PRPSAP2: variants seen among roughly 807,000 people sequenced by gnomAD.
The protein encoded by PRPSAP2 is phosphoribosyl pyrophosphate synthase-associated protein 2.
In PRPSAP2, 24 loss-of-function variants were observed where a neutral mutation model predicts 40.6. The ratio of observed to expected loss-of-function variants is 0.59; its 90% CI spans 0.43 to 0.83. The LOEUF is 0.83. PRPSAP2 is among the 40% of genes least tolerant of loss of function. The probability of loss-of-function intolerance (pLI) is 0.00; values close to 1 mark genes in which losing one functional copy is unlikely to be tolerated. For synonymous variants in PRPSAP2, 149 were observed against 164.7 expected (o/e 0.90, Z 0.73); for missense variants, 292 against 465.6 (o/e 0.63, Z 3.43).
At chr17:18,869,842 T>TGTG (rs1555548062) in intron 4 of PRPSAP2, among the ~76,000 whole-genome samples, 104 of 139,260 alleles carry the variant, frequency 7.5e-4, no homozygotes, top group African/African-American at 2.7e-3. Flanking sequence ...TACTTTTTTT[T>TGTG]TGTGTGTGTG....
chr17:18,898,211 G>A (rs1402255111), intron 8 of PRPSAP2, among the ~76,000 whole-genome samples: 1 of 151,552 alleles, frequency 6.6e-6, no homozygotes, highest in African/African-American at 2.4e-5. Flanking sequence ...GTTGGCCAGG[G>A]TGGTCTCCAT....
At chr17:18,865,045 C>G (rs2037332783) in intron 1 of PRPSAP2, 1 of 152,286 alleles carries the variant, frequency 6.6e-6, no homozygotes, top group African/African-American at 2.4e-5. Flanking sequence ...CAGGGTTTCA[C>G]CATGTTGGCC....
At chr17:18,880,445 C>T (rs1460945176) in intron 6 of PRPSAP2, among the ~76,000 whole-genome samples, 1 of 152,026 alleles carries the variant, frequency 6.6e-6, no homozygotes, top group Non-Finnish European at 1.5e-5. Flanking sequence ...CTTGCCCGGG[C>T]TGGGGTGCAG....
intron 8 of PRPSAP2, among the ~76,000 whole-genome samples, chr17:18,892,727 G>GTGTGTGTTTTTT (rs60288281): frequency 7.9e-6 from 1 of 126,626 alleles, no homozygotes. Context: ...GTGTGTGTGT[G>GTGTGTGTTTTTT]TATTTATTTA....
rs1484974037 is a variant in PRPSAP2, at chr17:18,886,935, T to C, written c.529-2887T>C. ...TGATAATTTTTCTTTTCTTCTTTTT[T>C]TTTTTTTTTTTTTTTTTTGAGACGG... is the stretch of plus-strand genomic sequence containing the variant. On this transcript the variant is annotated intron_variant, in intron 7 of 11. Coordinates refer to ENST00000268835, the MANE Select transcript of PRPSAP2 (RefSeq NM_002767.4). 8.6e-3 allele frequency among the ~76,000 whole-genome samples: 1,171 copies of C among 135,376 alleles called. 4 individuals carry two copies. The highest frequency in any genetic ancestry group is 0.031 in the African/African-American group (1,117 of 35,884). The allele number at this position is 135,376 out of a possible 152,430, so 88.8% of individuals were successfully genotyped here.
At chr17:18,928,213 ACT>A (rs897389389) in intron 10 of PRPSAP2, 3 of 158,540 alleles carry the variant, frequency 1.9e-5, no homozygotes, top group African/African-American at 7.2e-5. Flanking sequence ...GTTTAAAATA[ACT>A]CTGGGAGCCT....
chr17:18,892,540 A>G (rs545215253), intron 8 of PRPSAP2, among the ~76,000 whole-genome samples: 102 of 148,308 alleles, frequency 6.9e-4, no homozygotes, highest in Non-Finnish European at 1.1e-3. Flanking sequence ...GTGAAATTCT[A>G]CCTTATCGTG....
intron 11 of PRPSAP2, among the ~76,000 whole-genome samples, chr17:18,930,111 G>A (rs968438678): frequency 2.6e-5 from 4 of 152,144 alleles, no homozygotes; most frequent in South Asian, 2.1e-4. Flanking sequence ...GGTGGCTCAC[G>A]CCTGTAATCC....
At chr17:18,912,265 T>C (rs2041008929) in intron 9 of PRPSAP2, among the ~76,000 whole-genome samples, 1 of 151,998 alleles carries the variant, frequency 6.6e-6, no homozygotes, top group Admixed American at 6.6e-5. Flanking sequence ...TCTTGCTGCA[T>C]CCTCATGTGG....
chr17:18,889,407 T>C (rs1489843326), intron 7 of PRPSAP2, among the ~76,000 whole-genome samples: 1 of 152,242 alleles, frequency 6.6e-6, no homozygotes, highest in Non-Finnish European at 1.5e-5. Flanking sequence ...CTTCAACATG[T>C]TATGACTGCG....
At chr17:18,922,611 G>A (rs1754248146) in intron 9 of PRPSAP2, among the ~76,000 whole-genome samples, 1 of 136,274 alleles carries the variant, frequency 7.3e-6, no homozygotes, top group African/African-American at 2.8e-5. Flanking sequence ...GTCTTTTTTT[G>A]TTGAATTATA....
intron 8 of PRPSAP2, chr17:18,904,549 G>C (rs1471964500): frequency 6.6e-6 from 1 of 152,050 alleles, no homozygotes; most frequent in Admixed American, 6.6e-5. Flanking sequence ...GCCACTGTTG[G>C]GATAACAGGC....
intron 8 of PRPSAP2, among the ~76,000 whole-genome samples, chr17:18,891,389 G>T (rs1014463956): frequency 6.6e-6 from 1 of 152,164 alleles, no homozygotes; most frequent in Non-Finnish European, 1.5e-5. Flanking sequence ...ACCCAGCCGG[G>T]CCTGTGTTCA....
At chr17:18,898,423 C>A (rs939829426) in intron 8 of PRPSAP2, among the ~76,000 whole-genome samples, 2 of 152,146 alleles carry the variant, frequency 1.3e-5, no homozygotes, top group African/African-American at 4.8e-5. Flanking sequence ...TTTATTGTTT[C>A]CTTTCTGTTT....
chr17:18,859,973 T>C (rs752473989), intron 1 of PRPSAP2, among the ~76,000 whole-genome samples: 2 of 152,304 alleles, frequency 1.3e-5, no homozygotes, highest in Middle Eastern at 6.8e-3. Context: ...CTCAAACTCC[T>C]GACCTTGTGA....
rs767970766 is a variant in PRPSAP2 at position 18,905,839 on chromosome 17, TC to T, written c.585-5261del. 1.6e-4 allele frequency among the ~76,000 whole-genome samples: 24 copies of T among 152,358 alleles called. No homozygotes were observed. The East Asian group carries it at 3.9e-3, about 24-fold the overall frequency. ...CTCAGGTGATCTGCCCGCCTCGGCC[TC>T]CCAAAGTGCTGGGATTACAGGCGTG... On this transcript the variant is annotated intron_variant, in intron 8 of 11. Transcript: ENST00000268835.
chr17:18,903,591 G>A (rs1368212512), intron 8 of PRPSAP2, among the ~76,000 whole-genome samples: 9 of 152,114 alleles, frequency 5.9e-5, no homozygotes, highest in East Asian at 1.9e-4. Flanking sequence ...AAAATTAGCC[G>A]GGTGTGGTGG....
intron 4 of PRPSAP2, among the ~76,000 whole-genome samples, chr17:18,871,481 G>T (rs185305420): frequency 2.0e-5 from 3 of 152,012 alleles, no homozygotes; most frequent in African/African-American, 7.2e-5. Flanking sequence ...AGGTTGTCTT[G>T]TAGAATGTCC....
chr17:18,930,539 G>C lies in PRPSAP2; in HGVS notation c.952-1G>C. The C allele has an allele frequency of 6.2e-7, 1 of 1,611,046 alleles. No individual in the cohort carries two copies. Among genetic ancestry groups the C allele is most frequent in the Non-Finnish European group, 8.5e-7 (1 of 1,178,454 alleles). ...GTGGTTTTTTTTCTTTTGCTTCACA[G>C]GTGGTGGTCACCAATACAATTCCAC... is the stretch of plus-strand genomic sequence containing the variant. On this transcript the variant is annotated splice_acceptor_variant, in intron 11 of 11. Transcript: ENST00000268835. LOFTEE classifies it high-confidence loss of function.
Sources: allele counts gnomAD v4.1 joint callset (sites outside exome capture counted in the v4.1 genomes callset), GRCh38; gene constraint gnomAD v4.1.1; transcripts MANE v1.5; gene names NCBI Gene and HGNC (gene_info 2026-07-23, HGNC 2026-07-21).